ABCC8: variants seen among roughly 807,000 people sequenced by gnomAD.
ABCC8 encodes ATP binding cassette subfamily C member 8.
Under a neutral mutation model 188.0 loss-of-function variants are expected in ABCC8, and 137 were observed. The observed-to-expected ratio is 0.73, with a 90% CI of 0.63 to 0.84. The LOEUF is 0.84. ABCC8 is among the 40% of genes least tolerant of loss of function. The probability of loss-of-function intolerance (pLI) is 0.00; values close to 1 mark genes in which losing one functional copy is unlikely to be tolerated. For missense variants in ABCC8, 1,750 were observed against 2,072.7 expected, an observed-to-expected ratio of 0.84 and a Z score of 3.02; for synonymous variants, 797 against 846.5, an observed-to-expected ratio of 0.94 and a Z score of 1.01.
intron 3 of ABCC8, among the ~76,000 whole-genome samples, chr11:17,464,261 A>G (rs185302115): frequency 6.6e-6 from 1 of 152,328 alleles, no homozygotes; most frequent in East Asian, 1.9e-4. Context: ...AGCTAGGGAC[A>G]GAGAGAGGGT....
Position 17,463,437 on chromosome 11 carries a change from C to T in ABCC8, c.579+1G>A. Reference sequence around the variant, plus strand: ...CACCCTGGCCCAGGTGGCCTGCTTACCCTCACCCTGATGACATTGACCTCC... The same window carrying T: ...CACCCTGGCCCAGGTGGCCTGCTTATCCTCACCCTGATGACATTGACCTCC... On this transcript the variant is annotated splice_donor_variant, in intron 4 of 38. Transcript: ENST00000389817. LOFTEE classifies it high-confidence loss of function. 6.2e-7 allele frequency: 1 copy of T among 1,602,260 alleles called. No homozygotes were observed. Among genetic ancestry groups the T allele is most frequent in the East Asian group, 2.2e-5 (1 of 44,574 alleles).
chr11:17,447,868 TAAAG>T (rs1209634222), intron 8 of ABCC8, among the ~76,000 whole-genome samples: 1 of 152,214 alleles, frequency 6.6e-6, no homozygotes, highest in African/African-American at 2.4e-5. Context: ...TAGAAACACA[TAAAG>T]AAAATAAAAA....
intron 4 of ABCC8, among the ~76,000 whole-genome samples, chr11:17,462,712 A>G (rs1394525889): frequency 6.6e-6 from 1 of 152,258 alleles, no homozygotes. Context: ...TTATGCAGCC[A>G]TTAAGAAAAC....
At chr11:17,430,318 G>T in intron 12 of ABCC8, 1 of 279,948 alleles carries the variant, frequency 3.6e-6, no homozygotes, top group South Asian at 4.2e-5. Flanking sequence ...ATCAGAGCAG[G>T]ACCCAGCGCT....
chr11:17,412,750 T>C lies in ABCC8; in HGVS notation c.2476-4A>G. 6.2e-7 allele frequency: 1 copy of C among 1,606,816 alleles called. No individual in the cohort carries two copies. Among genetic ancestry groups the C allele is most frequent in the Non-Finnish European group, 8.5e-7 (1 of 1,176,638 alleles). On this transcript the variant is annotated splice_region_variant and splice_polypyrimidine_tract_variant and intron_variant, in intron 20 of 38. Coordinates refer to ENST00000389817, the MANE Select transcript of ABCC8 (RefSeq NM_000352.6). Reference sequence around the variant, plus strand: ...GACCACCAGACAGGTTGATGCCCTGTCACCAAAGAGGAGGAACACATCATG... The same window carrying C: ...GACCACCAGACAGGTTGATGCCCTGCCACCAAAGAGGAGGAACACATCATG...
intron 7 of ABCC8, 150 bp from the exon 8 acceptor site, chr11:17,448,821 T>A (rs180960411): frequency 1.6e-6 from 2 of 1,226,136 alleles, no homozygotes; most frequent in Admixed American, 1.8e-5. Flanking sequence ...GTATCACCGT[T>A]CCAACTTACT....
rs145673861 is a variant in ABCC8 at position 17,394,380 on chromosome 11, G to A, written c.4431C>T (p.Gly1477=). ...PGGLDAIITE[G]GENFSQGQRQ... ...TCTGTCCCTGGCTGAAATTCTCCCC[G>A]CCTTCTGTGATGATGGCATCTGAAA... Residue 1477 remains glycine, a synonymous_variant, in exon 37 of 39, where the codon GGC becomes GGT. Transcript: ENST00000389817. 3.0e-4 allele frequency: 491 copies of A among 1,614,182 alleles called. No individual in the cohort carries two copies. The highest frequency in any genetic ancestry group is 4.0e-4 in the Non-Finnish European group (471 of 1,180,034).
intron 38 of ABCC8, 37 bp downstream of exon 38, chr11:17,393,660 T>C: frequency 6.2e-7 from 1 of 1,613,852 alleles, no homozygotes; most frequent in Non-Finnish European, 8.5e-7. Flanking sequence ...GTCCTGTCCC[T>C]GGGTGTCCCT....
At chr11:17,450,679 G>A (rs1956779536) in intron 7 of ABCC8, among the ~76,000 whole-genome samples, 3 of 109,544 alleles carry the variant, frequency 2.7e-5, no homozygotes, top group African/African-American at 9.8e-5. Context: ...TTACAGGCAT[G>A]AGCCACTTTT....
chr11:17,461,523 C>T, intron 5 of ABCC8, 60 bp downstream of exon 5: 1 of 1,608,142 alleles, frequency 6.2e-7, no homozygotes, highest in Non-Finnish European at 8.5e-7. Context: ...TTTGAGGTCC[C>T]TCTCTGTGAC....
intron 16 of ABCC8, among the ~76,000 whole-genome samples, chr11:17,418,877 A>C (rs1955203819): frequency 6.6e-6 from 1 of 152,224 alleles, no homozygotes; most frequent in Admixed American, 6.5e-5. Context: ...GGTAACAGAT[A>C]TATTAATCAT....
Position 17,432,192 on chromosome 11 carries a change from G to T in ABCC8, c.1671+12C>A, listed in dbSNP as rs1955879401. The T allele has an allele frequency of 6.4e-7, 1 of 1,552,482 alleles. No homozygotes were observed. Among genetic ancestry groups the T allele is most frequent in the East Asian group, 2.4e-5 (1 of 41,020 alleles). The stretch of plus-strand genomic sequence containing the variant: ...ACCCTACCCCCAAGAGATGGAGAAA[G>T]GATCCACTTACTATGAGGACAGCTG... On this transcript the variant is annotated intron_variant, in intron 11 of 38. Transcript: ENST00000389817.
chr11:17,423,619 G>A (rs1208066136), intron 16 of ABCC8, among the ~76,000 whole-genome samples: 3 of 152,142 alleles, frequency 2.0e-5, no homozygotes, highest in Non-Finnish European at 4.4e-5. Context: ...CTGGAGAAAT[G>A]AGACCCCTTC....
chr11:17,434,848 T>C (rs971084746), intron 10 of ABCC8, among the ~76,000 whole-genome samples: 2 of 152,304 alleles, frequency 1.3e-5, no homozygotes. Flanking sequence ...GGCTGTTGTA[T>C]GGAGACGCTA....
intron 26 of ABCC8, among the ~76,000 whole-genome samples, chr11:17,405,847 A>G (rs1954490006): frequency 6.6e-6 from 1 of 152,214 alleles, no homozygotes; most frequent in Non-Finnish European, 1.5e-5. Flanking sequence ...CTCCTGGGAC[A>G]CAGAGTCCTC....
chr11:17,430,950 C>G lies in ABCC8; in HGVS notation c.1681G>C (p.Gly561Arg). Residue 561 changes from glycine to arginine, a missense_variant, in exon 12 of 39, where the codon GGC becomes CGC. By Grantham distance (125) the Gly-to-Arg change is moderately radical. Transcript: ENST00000389817. ...PIAAVLITFV[G>R]HVSFFKEADF... ...GCCTCTTTGAAGAAGCTGACGTGGCCCACGAAAGTCTGTGGACAGAGGCAC... is the reference window on the plus strand; with the variant it reads ...GCCTCTTTGAAGAAGCTGACGTGGCGCACGAAAGTCTGTGGACAGAGGCAC... The G allele has an allele frequency of 6.2e-7, 1 of 1,614,122 alleles. No individual in the cohort carries two copies. The highest frequency in any genetic ancestry group is 8.5e-7 in the Non-Finnish European group (1 of 1,179,992).
intron 7 of ABCC8, among the ~76,000 whole-genome samples, chr11:17,452,734 A>C (rs1387909255): frequency 2.6e-5 from 4 of 152,202 alleles, no homozygotes; most frequent in Admixed American, 6.5e-5. Flanking sequence ...TCACACCCAA[A>C]GAAGACTGTC....
At chr11:17,412,643 AC>A in intron 21 of ABCC8, 22 bp downstream of exon 21, 1 of 1,604,358 alleles carries the variant, frequency 6.2e-7, no homozygotes, top group East Asian at 2.3e-5. Context: ...AGAGACCAGG[AC>A]CCCAAGGGAA....
Position 17,404,553 on chromosome 11 carries a change from G to A in ABCC8, c.3516C>T (p.Ile1172=), listed in dbSNP as rs142155036. 34 of 1,613,948 alleles carry A rather than the reference G, an allele frequency of 2.1e-5. No homozygotes were observed. Among genetic ancestry groups the A allele is most frequent in the African/African-American group, 1.5e-4 (11 of 74,900 alleles). The change falls in exon 28 of 39, where the codon ATC becomes ATT. Residue 1172 remains isoleucine, a synonymous_variant. Coordinates refer to ENST00000389817, the MANE Select transcript of ABCC8 (RefSeq NM_000352.6). The surrounding 1 kb of genome is among the most constrained non-coding windows in gnomAD (Gnocchi z 4.7). ...AGTACTTCTGGATGAAGTAGCACAC[G>A]ATGGCCAGGGGCAAGAGGGCCACGA... The part of the protein sequence containing the change: ...VFLVALLPLA[I]VCYFIQKYFR...
Sources: gnomAD v4.1 joint callset for allele counts (sites outside exome capture counted in the v4.1 genomes callset) on GRCh38, gnomAD v4.1.1 for gene constraint, Gnocchi (gnomAD v3.1) non-coding constraint, MANE v1.5 for transcripts, NCBI Gene and HGNC (gene_info 2026-07-23, HGNC 2026-07-21) for gene names.